The following CLOCK variants were observed in gnomAD, a reference collection of about 807,000 sequenced individuals.
CLOCK encodes the protein circadian locomoter output cycles protein kaput.
Under a neutral mutation model 118.4 loss-of-function variants are expected in CLOCK, and 43 were observed. The ratio of observed to expected loss-of-function variants is 0.36; its 90% CI spans 0.28 to 0.47. The LOEUF is 0.47. Among genes scored for constraint, CLOCK ranks in the 20% least tolerant of loss-of-function variants. CLOCK has a pLI of 1.00. For synonymous variants in CLOCK, 326 were observed against 339.2 expected (o/e 0.96, Z 0.43); for missense variants, 846 against 999.9 (o/e 0.85, Z 2.08).
rs1577707541 is a variant in CLOCK, at chr4:55,453,244, T to G, written c.1131-115A>C. The G allele has an allele frequency of 1.9e-5, 17 of 877,864 alleles. No individual in the cohort carries two copies. In the South Asian group the frequency reaches 2.3e-4, roughly 12 times the overall value. The allele number at this position is 877,864 out of a possible 1,614,324, so 54.4% of individuals were successfully genotyped here. A position where few individuals can be genotyped will look rare whatever the true frequency, so the allele number is the denominator to read the frequency against. On this transcript the variant is annotated intron_variant, in intron 14 of 22. Coordinates refer to ENST00000513440, the MANE Select transcript of CLOCK (RefSeq NM_004898.4). ...TCATCTGTTCATCTAGACTATTTGC[T>G]ATGTGCTACACAAACCTAAAATATA...
chr4:55,511,517 G>A (rs1729145064), intron 1 of CLOCK, among the ~76,000 whole-genome samples: 1 of 152,136 alleles, frequency 6.6e-6, no homozygotes, highest in African/African-American at 2.4e-5. Context: ...TGAGGGTAAA[G>A]TACAGAGATT....
rs1413078655 is a variant in CLOCK at position 55,478,979 on chromosome 4, A to G, written c.108-16T>C. ...TCTAGATACTCTGATGAAATGAAAAATATGCATTTTTTAAACAATCCATTT... is the reference window on the plus strand; with the variant it reads ...TCTAGATACTCTGATGAAATGAAAAGTATGCATTTTTTAAACAATCCATTT... On this transcript the variant is annotated splice_polypyrimidine_tract_variant and intron_variant, in intron 5 of 22. Transcript: ENST00000513440. 1.3e-6 allele frequency: 2 copies of G among 1,566,086 alleles called. No individual in the cohort carries two copies. The highest frequency in any genetic ancestry group is 3.6e-5 in the Admixed American group (2 of 55,718).
chr4:55,455,147 C>A (rs1471099984), intron 13 of CLOCK, among the ~76,000 whole-genome samples: 2 of 152,084 alleles, frequency 1.3e-5, no homozygotes, highest in Non-Finnish European at 1.5e-5. Context: ...AGTGAACACT[C>A]AAGATGGTAA....
At chr4:55,492,118 T>C (rs1727740418) in intron 2 of CLOCK, among the ~76,000 whole-genome samples, 1 of 152,180 alleles carries the variant, frequency 6.6e-6, no homozygotes, top group Admixed American at 6.5e-5. Flanking sequence ...ATATTCCTTA[T>C]GCATATTGAT....
chr4:55,536,146 A>C lies in CLOCK; in HGVS notation c.-290+10636T>G, dbSNP rs191508870. 1.4e-4 allele frequency among the ~76,000 whole-genome samples: 21 copies of C among 152,342 alleles called. No individual in the cohort carries two copies. The South Asian group carries it at 2.9e-3, about 21-fold the overall frequency. ...TAAAAGGCTACAAAGTCAACTAAAA[A>C]ACTTTGAAAAGCAAAGTGAAATTTC... On this transcript the variant is annotated intron_variant, in intron 1 of 22. Coordinates refer to ENST00000513440, the MANE Select transcript of CLOCK (RefSeq NM_004898.4).
intron 2 of CLOCK, among the ~76,000 whole-genome samples, chr4:55,504,560 C>T (rs183649613): frequency 6.6e-6 from 1 of 152,138 alleles, no homozygotes; most frequent in African/African-American, 2.4e-5. Flanking sequence ...ACCAGACCCA[C>T]TTTTAAACAA....
rs1273786636 is a variant in CLOCK at position 55,428,667 on chromosome 4, G to GT, written c.*6747dup. 2.0e-5 allele frequency: 3 copies of GT among 152,070 alleles called. No homozygotes were observed. Among genetic ancestry groups the GT allele is most frequent in the Admixed American group, 6.5e-5 (1 of 15,278 alleles). The allele number at this position is 152,070 out of a possible 1,614,324, so 9.4% of individuals were successfully genotyped here. ...TTAATTTAAAACCAAGAACCAAGCAGTAAGGACAGCAATGTCAAGAATATC... is the reference window on the plus strand; with the variant it reads ...TTAATTTAAAACCAAGAACCAAGCAGTTAAGGACAGCAATGTCAAGAATATC... On this transcript the variant is annotated 3_prime_UTR_variant, in exon 23 of 23. Coordinates refer to ENST00000513440, the MANE Select transcript of CLOCK (RefSeq NM_004898.4).
intron 1 of CLOCK, among the ~76,000 whole-genome samples, chr4:55,512,465 T>C (rs1483093337): frequency 1.3e-5 from 2 of 152,198 alleles, no homozygotes; most frequent in Non-Finnish European, 2.9e-5. Context: ...GAGTCCATTG[T>C]GTACTTTGGA....
chr4:55,488,258 A>G (rs555138179), intron 3 of CLOCK, among the ~76,000 whole-genome samples: 7 of 152,186 alleles, frequency 4.6e-5, no homozygotes, highest in Non-Finnish European at 1.0e-4. Context: ...TCCTCTAATT[A>G]ATACTGGCAT....
At position 55,434,530 on chromosome 4, in the gene CLOCK, A is replaced by G. The variant is rs1484114582; in HGVS notation, c.*885T>C. On this transcript the variant is annotated 3_prime_UTR_variant, in exon 23 of 23. Transcript: ENST00000513440. The stretch of plus-strand genomic sequence containing the variant: ...TCCTATTTTCAAACATAATTGAAAA[A>G]TAATGAAATGAGGGATATTTCTGAA... The G allele has an allele frequency of 6.6e-6, 1 of 152,602 alleles. No individual in the cohort carries two copies. Among genetic ancestry groups the G allele is most frequent in the East Asian group, 1.9e-4 (1 of 5,192 alleles). The allele number at this position is 152,602 out of a possible 1,614,324, so 9.5% of individuals were successfully genotyped here.
intron 3 of CLOCK, chr4:55,486,356 A>T: frequency 6.6e-6 from 1 of 152,168 alleles, no homozygotes. Flanking sequence ...GAAATCTTCC[A>T]ACCTGTTTCT....
chr4:55,471,705 T>C (rs1726154517), intron 7 of CLOCK, among the ~76,000 whole-genome samples: 1 of 151,472 alleles, frequency 6.6e-6, no homozygotes, highest in Admixed American at 6.6e-5. Context: ...GCTGAAGAAA[T>C]GAGATCTACA....
Position 55,442,531 on chromosome 4 carries a change from T to C in CLOCK, c.2006A>G (p.Gln669Arg), listed in dbSNP as rs1427981368. Residue 669 changes from glutamine (Q) to arginine (R), a missense_variant, in exon 21 of 23, where the codon CAG becomes CGG. Coordinates refer to ENST00000513440, the MANE Select transcript of CLOCK (RefSeq NM_004898.4). ...CTGGACCATGCTTCCGGCTGCAGGCTGAGAAATCACCATAGTGTTATACAG... is the reference window on the plus strand; with the variant it reads ...CTGGACCATGCTTCCGGCTGCAGGCCGAGAAATCACCATAGTGTTATACAG... Reference protein sequence around the residue: ...APLYNTMVISQPAAGSMVQIP... With the variant: ...APLYNTMVISRPAAGSMVQIP... The C allele has an allele frequency of 1.9e-6, 3 of 1,610,502 alleles. No homozygotes were observed. In the South Asian group the frequency reaches 3.3e-5, roughly 18 times the overall value.
intron 9 of CLOCK, among the ~76,000 whole-genome samples, chr4:55,462,639 C>T (rs757854287): frequency 7.2e-5 from 11 of 152,186 alleles, no homozygotes; most frequent in Non-Finnish European, 1.2e-4. Context: ...GCAATCCATT[C>T]CATCCATGGC....
chr4:55,448,313 A>C (rs984995995), intron 18 of CLOCK, among the ~76,000 whole-genome samples: 1 of 152,220 alleles, frequency 6.6e-6, no homozygotes, highest in African/African-American at 2.4e-5. Flanking sequence ...TCCAATATTC[A>C]TAGGAGGAAC....
intron 7 of CLOCK, among the ~76,000 whole-genome samples, chr4:55,474,559 T>C (rs922887536): frequency 6.6e-6 from 1 of 152,130 alleles, no homozygotes; most frequent in Non-Finnish European, 1.5e-5. Flanking sequence ...TCTAGAACTT[T>C]CGTAGTTAGA....
At chr4:55,465,168 C>T (rs557430383) in intron 8 of CLOCK, among the ~76,000 whole-genome samples, 3 of 152,264 alleles carry the variant, frequency 2.0e-5, no homozygotes, top group Non-Finnish European at 2.9e-5. Context: ...GTACTGAATA[C>T]GTGCATTTTT....
In CLOCK at chr4:55,430,931, C is replaced by A. The variant is rs1018087246; in HGVS notation, c.*4484G>T. The A allele has an allele frequency of 1.3e-5, 2 of 152,178 alleles. No homozygotes were observed. The highest frequency in any genetic ancestry group is 4.8e-5 in the African/African-American group (2 of 41,446). 9.4% of individuals were successfully genotyped at this position (152,178 alleles called of 1,614,324 possible). The stretch of plus-strand genomic sequence containing the variant: ...CACATTCAAAACAAAAATCAAAGTT[C>A]ATTTGGCTATCTTGAAATCACTCCC... On this transcript the variant is annotated 3_prime_UTR_variant, in exon 23 of 23. Transcript: ENST00000513440.
At chr4:55,437,141 T>TC (rs1722945477) in intron 22 of CLOCK, among the ~76,000 whole-genome samples, 1 of 152,228 alleles carries the variant, frequency 6.6e-6, no homozygotes, top group African/African-American at 2.4e-5. Context: ...ACTGTATGAC[T>TC]CTCAGATATT....
Sources: allele counts gnomAD v4.1 joint callset (sites outside exome capture counted in the v4.1 genomes callset), GRCh38; gene constraint gnomAD v4.1.1; transcripts MANE v1.5; gene names NCBI Gene and HGNC (gene_info 2026-07-23, HGNC 2026-07-21).